NTRK3: variants seen among roughly 807,000 people sequenced by gnomAD.
NTRK3 encodes the protein NT-3 growth factor receptor.
Under a neutral mutation model 91.7 loss-of-function variants are expected in NTRK3, and 24 were observed. That is an observed-to-expected ratio of 0.26 (90% CI 0.19 to 0.37). NTRK3 has a LOEUF of 0.37. NTRK3 is among the 10% of genes least tolerant of loss of function. NTRK3 has a pLI of 1.00. For synonymous variants in NTRK3, 483 were observed against 404.0 expected, an observed-to-expected ratio of 1.20 and a Z score of -2.34; for missense variants, 880 against 1,068.9, an observed-to-expected ratio of 0.82 and a Z score of 2.46.
chr15:87,951,527 T>C (rs920236324), intron 14 of NTRK3, among the ~76,000 whole-genome samples: 1 of 152,222 alleles, frequency 6.6e-6, no homozygotes, highest in Admixed American at 6.5e-5. Context: ...AAAAGCTTGC[T>C]GGCCTGAAGA....
chr15:88,125,329 C>T (rs1387339829), intron 13 of NTRK3, among the ~76,000 whole-genome samples: 3 of 152,130 alleles, frequency 2.0e-5, no homozygotes, highest in Non-Finnish European at 2.9e-5. Context: ...TCCCTAAGCC[C>T]CAAGGTCCCC....
At chr15:88,101,057 A>T (rs2150870542) in intron 13 of NTRK3, among the ~76,000 whole-genome samples, 1 of 152,362 alleles carries the variant, frequency 6.6e-6, no homozygotes, top group East Asian at 1.9e-4. Flanking sequence ...AGCAAAAGAA[A>T]CTACCATCAG....
intron 5 of NTRK3, among the ~76,000 whole-genome samples, chr15:88,152,772 T>C (rs1455861176): frequency 6.6e-6 from 1 of 152,240 alleles, no homozygotes; most frequent in Non-Finnish European, 1.5e-5. Context: ...ACCCCCTTGC[T>C]CTGTCTATGC....
intron 3 of NTRK3, among the ~76,000 whole-genome samples, chr15:88,254,280 C>T (rs1020335260): frequency 6.6e-6 from 1 of 152,192 alleles, no homozygotes; most frequent in Non-Finnish European, 1.5e-5. Flanking sequence ...TCACTCTGAA[C>T]CCTTCTCCCT....
chr15:87,866,404 A>T (rs901747634), exon 19 of NTRK3: 3 of 173,392 alleles, frequency 1.7e-5, no homozygotes, highest in African/African-American at 7.2e-5. Flanking sequence ...AGCATTAAAA[A>T]GTATACATTT....
At chr15:88,152,666 A>C (rs1268532689) in intron 5 of NTRK3, among the ~76,000 whole-genome samples, 1 of 152,096 alleles carries the variant, frequency 6.6e-6, no homozygotes, top group East Asian at 1.9e-4. Context: ...AAATTAATAC[A>C]CCTGTTCTCG....
intron 13 of NTRK3, among the ~76,000 whole-genome samples, chr15:88,054,111 C>A (rs942352967): frequency 6.6e-6 from 1 of 152,068 alleles, no homozygotes; most frequent in Admixed American, 6.5e-5. Flanking sequence ...AACCAGAGGC[C>A]GTTCTGGGCA....
exon 19 of NTRK3, chr15:87,875,464 C>T: frequency 4.3e-6 from 1 of 232,352 alleles, no homozygotes; most frequent in Non-Finnish European, 8.5e-6. Context: ...TGTTTCCTTC[C>T]CTCTCTCCGG....
At chr15:88,170,930 C>T (rs767116985) in intron 5 of NTRK3, among the ~76,000 whole-genome samples, 5 of 152,150 alleles carry the variant, frequency 3.3e-5, no homozygotes, top group Non-Finnish European at 5.9e-5. Flanking sequence ...CTCAGTGGTG[C>T]CTTCCACCCC....
chr15:87,947,032 C>T lies in NTRK3; in HGVS notation c.1586-6279G>A, dbSNP rs2070610238. On this transcript the variant is annotated intron_variant, in intron 14 of 18. Transcript: ENST00000394480. ...TATCTGGGATTTCAGGTGCGTGCCA[C>T]CACACCTGGTGAATTTTTGTACTTT... is the stretch of plus-strand genomic sequence containing the variant. Among the ~76,000 whole-genome samples, 3 of 152,114 alleles carry T rather than the reference C, an allele frequency of 2.0e-5. No individual in the cohort carries two copies. In the South Asian group the frequency reaches 6.2e-4, roughly 32 times the overall value.
intron 5 of NTRK3, among the ~76,000 whole-genome samples, chr15:88,175,719 A>C (rs539536951): frequency 5.3e-5 from 8 of 152,332 alleles, no homozygotes; most frequent in African/African-American, 1.9e-4. Flanking sequence ...TCAATTCTTC[A>C]TATACATTAA....
In NTRK3 at chr15:88,125,150, G is replaced by A. The variant is rs116374289; in HGVS notation, c.1396+1121C>T. Among the ~76,000 whole-genome samples, 977 of 152,142 alleles carry A rather than the reference G, an allele frequency of 6.4e-3. 11 individuals carry two copies. Among genetic ancestry groups the A allele is most frequent in the African/African-American group, 0.02 (843 of 41,500 alleles). The stretch of plus-strand genomic sequence containing the variant: ...TTTTCTACCCTTCTAATCCTCTCTG[G>A]GTATTTCCCTATATATCAGTGTTCT... On this transcript the variant is annotated intron_variant, in intron 13 of 18. Coordinates refer to ENST00000394480, the Ensembl canonical transcript of NTRK3.
In NTRK3 at chr15:88,184,520, A is replaced by T. The variant is rs4887380; in HGVS notation, c.249-221T>A. On this transcript the variant is annotated intron_variant, in intron 3 of 18. Transcript: ENST00000394480. Reference sequence around the variant, plus strand: ...TGCAAGAATTAACTGGATTCATTGGATCCAAGTTCCTGGCCCATGGATTGC... The same window carrying T: ...TGCAAGAATTAACTGGATTCATTGGTTCCAAGTTCCTGGCCCATGGATTGC... Among the ~76,000 whole-genome samples, 34,470 of 152,112 alleles carry T rather than the reference A, an allele frequency of 0.23. 4,382 individuals carry two copies. Among genetic ancestry groups the T allele is most frequent in the African/African-American group, 0.33 (13,721 of 41,478 alleles).
chr15:88,159,256 C>T (rs1032231549), intron 5 of NTRK3, among the ~76,000 whole-genome samples: 2 of 152,168 alleles, frequency 1.3e-5, no homozygotes, highest in African/African-American at 2.4e-5. Flanking sequence ...CAGAAAGCTG[C>T]TCTGGGCCTT....
At chr15:88,051,728 A>G (rs1202837285) in intron 13 of NTRK3, among the ~76,000 whole-genome samples, 1 of 152,098 alleles carries the variant, frequency 6.6e-6, no homozygotes, top group Non-Finnish European at 1.5e-5. Flanking sequence ...ATTCTAGTAA[A>G]GTAAAAAAGA....
At chr15:87,973,270 T>C (rs755941199) in intron 14 of NTRK3, among the ~76,000 whole-genome samples, 4 of 152,220 alleles carry the variant, frequency 2.6e-5, no homozygotes, top group African/African-American at 4.8e-5. Context: ...CAAGATTTAA[T>C]TTCAAGGGAA....
At chr15:88,020,114 G>A (rs902181210) in intron 14 of NTRK3, among the ~76,000 whole-genome samples, 14 of 152,318 alleles carry the variant, frequency 9.2e-5, no homozygotes, top group Admixed American at 5.2e-4. Flanking sequence ...AGAACTCAGC[G>A]TAAAGCACAT....
At position 87,925,441 on chromosome 15, in the gene NTRK3, GCACACACACACA is replaced by G. The variant is rs61582719; in HGVS notation, c.2133+3738_2133+3749del. The G allele has an allele frequency of 9.1e-3, 1,655 of 181,036 alleles. 33 individuals carry two copies. Among genetic ancestry groups the G allele is most frequent in the African/African-American group, 0.037 (1,541 of 41,310 alleles). 11.2% of individuals were successfully genotyped at this position (181,036 alleles called of 1,614,324 possible). A position where few individuals can be genotyped will look rare whatever the true frequency, so the allele number is the denominator to read the frequency against. On this transcript the variant is annotated intron_variant, in intron 17 of 18. Coordinates refer to ENST00000394480, the Ensembl canonical transcript of NTRK3. ...ACTGGGCAGGCAAGCACACGTGTATGCACACACACACACACACACACACACACAGGCCTGGAT... is the reference window on the plus strand; with the variant it reads ...ACTGGGCAGGCAAGCACACGTGTATGCACACACACACACACAGGCCTGGAT...
At chr15:88,151,464 G>A (rs2043369667) in intron 5 of NTRK3, among the ~76,000 whole-genome samples, 1 of 152,176 alleles carries the variant, frequency 6.6e-6, no homozygotes, top group Non-Finnish European at 1.5e-5. Flanking sequence ...CCTCTCCTCT[G>A]ACCAGTAGAA....
Sources: allele counts gnomAD v4.1 joint callset (sites outside exome capture counted in the v4.1 genomes callset), GRCh38; gene constraint gnomAD v4.1.1; transcripts MANE v1.5; gene names NCBI Gene and HGNC (gene_info 2026-07-23, HGNC 2026-07-21).